The following SLCO6A1 variants were observed in gnomAD, a reference collection of about 807,000 sequenced individuals.
The protein encoded by SLCO6A1 is cancer/testis antigen 48.
A neutral mutation model predicts 72.7 loss-of-function variants in SLCO6A1; 65 were observed. The observed-to-expected ratio is 0.89, with a 90% CI of 0.73 to 1.10. The LOEUF is 1.10. Ranked by LOEUF, SLCO6A1 falls within the 50% of genes least tolerant of loss-of-function variation. SLCO6A1 has a pLI of 0.00. For missense variants in SLCO6A1, 874 were observed against 872.6 expected (o/e 1.00, Z -0.02); for synonymous variants, 314 against 298.2 (o/e 1.05, Z -0.55).
intron 8 of SLCO6A1, among the ~76,000 whole-genome samples, chr5:102,414,875 A>G (rs937434444): frequency 2.6e-5 from 4 of 151,882 alleles, no homozygotes; most frequent in Non-Finnish European, 2.9e-5. Flanking sequence ...AGCCTGGGCA[A>G]AAAGAGTGAA....
chr5:102,389,417 C>T (rs866291376), intron 11 of SLCO6A1, among the ~76,000 whole-genome samples: 5 of 134,612 alleles, frequency 3.7e-5, no homozygotes, highest in Admixed American at 8.4e-5. Flanking sequence ...TACTTTCAGC[C>T]AAAAGTGAGT....
intron 6 of SLCO6A1, among the ~76,000 whole-genome samples, 183 bp downstream of exon 6, chr5:102,458,199 T>C (rs1007604395): frequency 3.3e-5 from 5 of 151,914 alleles, no homozygotes; most frequent in African/African-American, 1.2e-4. Flanking sequence ...CATGTATACA[T>C]ATGTAACTAA....
intron 9 of SLCO6A1, among the ~76,000 whole-genome samples, chr5:102,410,337 C>G (rs1747907813): frequency 6.6e-6 from 1 of 152,156 alleles, no homozygotes; most frequent in Non-Finnish European, 1.5e-5. Flanking sequence ...ATCCTCTCCT[C>G]TGCTCTGGCT....
intron 12 of SLCO6A1, among the ~76,000 whole-genome samples, chr5:102,376,859 T>C (rs1745825555): frequency 6.6e-6 from 1 of 152,116 alleles, no homozygotes; most frequent in Non-Finnish European, 1.5e-5. Context: ...CATATGACTA[T>C]GAAAACATTT....
At position 102,477,688 on chromosome 5, in the gene SLCO6A1, C is replaced by A. The variant is rs755914112; in HGVS notation, c.790G>T (p.Gly264Cys). Residue 264 changes from glycine to cysteine, a missense_variant, in exon 3 of 14, where the codon GGT becomes TGT. By Grantham distance (159) the Gly-to-Cys change is radical. Coordinates refer to ENST00000506729, the MANE Select transcript of SLCO6A1 (RefSeq NM_173488.5). ...IDENVATHSAGIYLGIAECTS... is the reference protein window; with the variant it reads ...IDENVATHSACIYLGIAECTS... The stretch of plus-strand genomic sequence containing the variant: ...GGGTAAAACTTGCCTAAATAGATAC[C>A]AGCTGAGTGTGTAGCAACATTCTCA... The A allele has an allele frequency of 2.5e-6, 4 of 1,610,360 alleles. No individual in the cohort carries two copies. The highest frequency in any genetic ancestry group is 1.3e-5 in the African/African-American group (1 of 74,810).
rs148622059 is a variant in SLCO6A1, at chr5:102,464,567, G to C, written c.900-4790C>G. ...AAGTTTAAAGAAATCTGTATGGGAA[G>C]AGATGGTATCCTGGGTCTTGCAACA... On this transcript the variant is annotated intron_variant, in intron 4 of 13. Transcript: ENST00000506729. Among the ~76,000 whole-genome samples, 288 of 152,302 alleles carry C rather than the reference G, an allele frequency of 1.9e-3. 1 individual carries two copies. The highest frequency in any genetic ancestry group is 3.6e-3 in the Non-Finnish European group (242 of 68,032).
At chr5:102,414,622 G>A (rs1028065915) in intron 8 of SLCO6A1, among the ~76,000 whole-genome samples, 4 of 152,136 alleles carry the variant, frequency 2.6e-5, no homozygotes, top group Admixed American at 6.5e-5. Flanking sequence ...GGCCGGGCAC[G>A]ATGGCTCATG....
At chr5:102,395,916 A>T (rs1164258447) in intron 10 of SLCO6A1, among the ~76,000 whole-genome samples, 1 of 151,856 alleles carries the variant, frequency 6.6e-6, no homozygotes, top group African/African-American at 2.4e-5. Context: ...AATTTGTTGG[A>T]GTTCATTTTA....
At chr5:102,485,245 C>T (rs895765962) in intron 1 of SLCO6A1, among the ~76,000 whole-genome samples, 2 of 148,826 alleles carry the variant, frequency 1.3e-5, no homozygotes, top group Non-Finnish European at 3.0e-5. Context: ...GAGCGAAACT[C>T]CATCTCAAAA....
At chr5:102,437,561 G>A (rs1014271381) in intron 7 of SLCO6A1, among the ~76,000 whole-genome samples, 1 of 152,056 alleles carries the variant, frequency 6.6e-6, no homozygotes, top group African/African-American at 2.4e-5. Context: ...TAATCAGAGT[G>A]CCCCAAACCT....
At chr5:102,475,872 A>G in intron 3 of SLCO6A1, 79 bp from the exon 4 acceptor site, 1 of 1,083,672 alleles carries the variant, frequency 9.2e-7, no homozygotes, top group South Asian at 1.5e-5. Context: ...ACTGAAATTG[A>G]TTACTTCTGA....
chr5:102,426,017 G>A (rs1321219435), intron 7 of SLCO6A1, among the ~76,000 whole-genome samples: 1 of 152,190 alleles, frequency 6.6e-6, no homozygotes, highest in Non-Finnish European at 1.5e-5. Context: ...AAGCAATGCG[G>A]AAATGGTTCC....
chr5:102,472,531 G>A (rs1186078990), intron 4 of SLCO6A1, among the ~76,000 whole-genome samples: 1 of 151,996 alleles, frequency 6.6e-6, no homozygotes, highest in East Asian at 1.9e-4. Context: ...AAGTTGAGGA[G>A]GAGGTAATTG....
At chr5:102,485,953 A>G (rs571151510) in intron 1 of SLCO6A1, among the ~76,000 whole-genome samples, 1 of 152,228 alleles carries the variant, frequency 6.6e-6, no homozygotes, top group Non-Finnish European at 1.5e-5. Flanking sequence ...AGTAAGCTCA[A>G]AAACAAGCAC....
At chr5:102,445,034 T>C (rs2112702374) in intron 6 of SLCO6A1, among the ~76,000 whole-genome samples, 1 of 152,322 alleles carries the variant, frequency 6.6e-6, no homozygotes, top group East Asian at 1.9e-4. Context: ...TATGAACATA[T>C]GCATGCATGT....
chr5:102,498,950 G>A lies in SLCO6A1; in HGVS notation c.-106C>T. 9.2e-7 allele frequency: 1 copy of A among 1,089,804 alleles called. No individual in the cohort carries two copies. Among genetic ancestry groups the A allele is most frequent in the Non-Finnish European group, 1.3e-6 (1 of 760,096 alleles). The allele number at this position is 1,089,804 out of a possible 1,614,324, so 67.5% of individuals were successfully genotyped here. A position where few individuals can be genotyped will look rare whatever the true frequency, so the allele number is the denominator to read the frequency against. ...CCTGGCGAGGGCGTCGGAGGACTCG[G>A]TGGCCACAAGGGGCTCTTGCCGCCC... On this transcript the variant is annotated 5_prime_UTR_variant, in exon 1 of 14. Transcript: ENST00000506729.
chr5:102,452,342 C>T (rs1750460086), intron 6 of SLCO6A1, among the ~76,000 whole-genome samples: 1 of 152,036 alleles, frequency 6.6e-6, no homozygotes, highest in Non-Finnish European at 1.5e-5. Flanking sequence ...GTGATCTTTC[C>T]TAACCTCCAA....
intron 2 of SLCO6A1, 103 bp from the exon 3 acceptor site, chr5:102,477,964 T>C: frequency 8.9e-7 from 1 of 1,122,728 alleles, no homozygotes; most frequent in South Asian, 1.6e-5. Flanking sequence ...TCCAAAATTA[T>C]GCTTTTTTCT....
intron 8 of SLCO6A1, among the ~76,000 whole-genome samples, chr5:102,414,924 TAAATAAATA>T (rs1748194916): frequency 6.6e-6 from 1 of 151,164 alleles, no homozygotes. Context: ...AATAAATAAA[TAAATAAATA>T]AATAAATTAA....
Sources: allele counts gnomAD v4.1 joint callset (sites outside exome capture counted in the v4.1 genomes callset), GRCh38; gene constraint gnomAD v4.1.1; transcripts MANE v1.5; gene names NCBI Gene and HGNC (gene_info 2026-07-23, HGNC 2026-07-21).